OAS3: variants seen among roughly 807,000 people sequenced by gnomAD.
OAS3 encodes the protein 2'-5'-oligoadenylate synthetase 3.
In OAS3, 107 loss-of-function variants were observed where a neutral mutation model predicts 113.0. That is an observed-to-expected ratio of 0.95 (90% CI 0.81 to 1.11). OAS3 has a LOEUF of 1.11. Among genes scored for constraint, OAS3 ranks in the 50% most tolerant of loss-of-function variants. The probability of loss-of-function intolerance (pLI) is 0.00; values close to 1 mark genes in which losing one functional copy is unlikely to be tolerated. For synonymous variants in OAS3, 552 were observed against 573.6 expected (o/e 0.96, Z 0.54); for missense variants, 1,258 against 1,389.1 (o/e 0.91, Z 1.50).
intron 13 of OAS3, 86 bp from the exon 14 acceptor site, chr12:112,967,850 G>A: frequency 6.9e-7 from 1 of 1,458,682 alleles, no homozygotes. Flanking sequence ...AAAAGTTTTG[G>A]GGTTGCTTTG....
intron 7 of OAS3, among the ~76,000 whole-genome samples, chr12:112,957,405 TAGTTGATGC>T (rs914473526): frequency 4.6e-5 from 7 of 152,224 alleles, no homozygotes; most frequent in Admixed American, 1.3e-4. Context: ...TTTTGCTCGT[TAGTTGATGC>T]AGTTTCTTCC....
rs780093595 is a variant in OAS3 at position 112,964,334 on chromosome 12, G to T, written c.2329G>T (p.Val777Phe). Residue 777 changes from valine (V) to phenylalanine (F), a missense_variant, in exon 11 of 16, where the codon GTT becomes TTT. Coordinates refer to ENST00000228928, the MANE Select transcript of OAS3 (RefSeq NM_006187.4). ...RQFLAQVNKA[V>F]DTICSFLKEN... Reference sequence around the variant, plus strand: ...GTTCCTGGCCCAGGTGAACAAGGCCGTTGATACCATCTGTTCATTTTTGAA... The same window carrying T: ...GTTCCTGGCCCAGGTGAACAAGGCCTTTGATACCATCTGTTCATTTTTGAA... 3 of 1,611,410 alleles carry T rather than the reference G, an allele frequency of 1.9e-6. No individual in the cohort carries two copies. Among genetic ancestry groups the T allele is most frequent in the Non-Finnish European group, 2.5e-6 (3 of 1,178,888 alleles).
chr12:112,968,475 A>G (rs1400737640), intron 14 of OAS3, among the ~76,000 whole-genome samples: 2 of 152,134 alleles, frequency 1.3e-5, no homozygotes, highest in Non-Finnish European at 2.9e-5. Flanking sequence ...AAATTTATTC[A>G]CTGTTTATCT....
rs2043977390 is a variant in OAS3, at chr12:112,970,791, T to C, written c.*818T>C. On this transcript the variant is annotated 3_prime_UTR_variant, in exon 16 of 16. Transcript: ENST00000228928. ...GGGGACCCTCTTGTTGGACACCTAATTGGATGCCTCTTCATGAGAGGCCTC... is the reference window on the plus strand; with the variant it reads ...GGGGACCCTCTTGTTGGACACCTAACTGGATGCCTCTTCATGAGAGGCCTC... 6.6e-6 allele frequency: 1 copy of C among 152,258 alleles called. No homozygotes were observed. Among genetic ancestry groups the C allele is most frequent in the Non-Finnish European group, 1.5e-5 (1 of 68,056 alleles). The allele number at this position is 152,258 out of a possible 1,614,324, so 9.4% of individuals were successfully genotyped here. A position where few individuals can be genotyped will look rare whatever the true frequency, so the allele number is the denominator to read the frequency against.
intron 7 of OAS3, among the ~76,000 whole-genome samples, chr12:112,956,807 T>C (rs1013089067): frequency 3.9e-5 from 6 of 152,252 alleles, no homozygotes; most frequent in Non-Finnish European, 7.3e-5. Flanking sequence ...GAAGAATGTA[T>C]ATTCTGTTGA....
At chr12:112,943,170 A>G (rs932052126) in intron 2 of OAS3, among the ~76,000 whole-genome samples, 5 of 152,072 alleles carry the variant, frequency 3.3e-5, no homozygotes, top group Non-Finnish European at 7.4e-5. Context: ...TCTGAGATCA[A>G]ATGATCCACC....
At chr12:112,944,350 C>T in intron 2 of OAS3, 126 bp from the exon 3 acceptor site, 1 of 977,076 alleles carries the variant, frequency 1.0e-6, no homozygotes, top group Non-Finnish European at 1.6e-6. Context: ...CCCATGTTAC[C>T]AGATTTCTTC....
At chr12:112,962,537 T>A (rs555123699) in intron 8 of OAS3, 115 bp from the exon 9 acceptor site, 2 of 1,278,824 alleles carry the variant, frequency 1.6e-6, no homozygotes, top group East Asian at 4.7e-5. Flanking sequence ...ATCAGCAAGT[T>A]TCTATTCTTT....
In OAS3 at chr12:112,944,558, G is replaced by T; in HGVS notation, c.543G>T (p.Ala181=). The T allele has an allele frequency of 1.2e-6, 2 of 1,614,060 alleles. No individual in the cohort carries two copies. Among genetic ancestry groups the T allele is most frequent in the Non-Finnish European group, 1.7e-6 (2 of 1,179,904 alleles). ...LNSGCQGGEH[A]ACFTELRRNF... is the part of the protein sequence containing the mutation. Reference sequence around the variant, plus strand: ...GTGGCTGCCAAGGGGGCGAGCATGCGGCCTGCTTCACAGAGCTGCGGAGGA... The same window carrying T: ...GTGGCTGCCAAGGGGGCGAGCATGCTGCCTGCTTCACAGAGCTGCGGAGGA... The change falls in exon 3 of 16, where the codon GCG becomes GCT. Residue 181 remains alanine, a synonymous_variant. Transcript: ENST00000228928.
rs1277081836 is a variant in OAS3, at chr12:112,969,773, C to A, written c.3252+18C>A. The A allele has an allele frequency of 1.2e-6, 2 of 1,610,420 alleles. No homozygotes were observed. Among genetic ancestry groups the A allele is most frequent in the African/African-American group, 1.3e-5 (1 of 74,848 alleles). ...CAGTGAAGGTGAGAGATCTGTGGTG[C>A]CAAAGGAAGTACCCTTTAGGGGTAA... is the stretch of plus-strand genomic sequence containing the variant. On this transcript the variant is annotated intron_variant, in intron 15 of 15. Coordinates refer to ENST00000228928, the MANE Select transcript of OAS3 (RefSeq NM_006187.4).
In OAS3 at chr12:112,954,091, T is replaced by C. The variant is rs2136352354; in HGVS notation, c.1657+3116T>C. On this transcript the variant is annotated intron_variant, in intron 7 of 15. Coordinates refer to ENST00000228928, the MANE Select transcript of OAS3 (RefSeq NM_006187.4). This position sits in a 1 kb window ranked among gnomAD's most constrained non-coding sequence, Gnocchi z 4.0. ...TGCCTATGTCCTGAATGGTATTGCC[T>C]AGGTTTTCTTCTAGGGTTTTTATGG... Among the ~76,000 whole-genome samples, 1 of 152,336 alleles carries C rather than the reference T, an allele frequency of 6.6e-6. No homozygotes were observed. Among genetic ancestry groups the C allele is most frequent in the Non-Finnish European group, 1.5e-5 (1 of 68,030 alleles).
Position 112,950,860 on chromosome 12 carries a change from C to T in OAS3, c.1542C>T (p.Ser514=), listed in dbSNP as rs1041196328. Residue 514 remains serine, a synonymous_variant, in exon 7 of 16, where the codon AGC becomes AGT. Coordinates refer to ENST00000228928, the MANE Select transcript of OAS3 (RefSeq NM_006187.4). ...CCTGGTGGCAGGACCAGGTGCCCAG[C>T]CTGAGCCTTCAGTTTCCTGAGCAGA... The part of the protein sequence containing the change: ...LESWWQDQVP[S]LSLQFPEQNV... The T allele has an allele frequency of 6.2e-7, 1 of 1,614,058 alleles. No individual in the cohort carries two copies. Among genetic ancestry groups the T allele is most frequent in the South Asian group, 1.1e-5 (1 of 91,086 alleles).
chr12:112,949,231 G>A (rs1407723545), intron 6 of OAS3, 26 bp downstream of exon 6: 5 of 1,589,032 alleles, frequency 3.1e-6, no homozygotes, highest in Non-Finnish European at 4.3e-6. Context: ...GGAGACACAG[G>A]GGGGACCCTA....
At chr12:112,965,140 G>C (rs988607592) in intron 11 of OAS3, among the ~76,000 whole-genome samples, 1 of 152,224 alleles carries the variant, frequency 6.6e-6, no homozygotes, top group African/African-American at 2.4e-5. Context: ...GTGAGACCCA[G>C]ATCAGCTCAG....
chr12:112,940,007 G>A (rs759879972), intron 1 of OAS3, among the ~76,000 whole-genome samples: 2 of 152,158 alleles, frequency 1.3e-5, no homozygotes, highest in Non-Finnish European at 2.9e-5. Context: ...GTGCAGCAAG[G>A]GAAAGCCCTG....
Position 112,961,255 on chromosome 12 carries a change from C to T in OAS3, c.1833+9C>T, listed in dbSNP as rs1348478405. The stretch of plus-strand genomic sequence containing the variant: ...AGCACTGGTACCGCCAGGTGAGTTG[C>T]CCCTGGCTCCTCCCAGGAAGCCACC... On this transcript the variant is annotated intron_variant, in intron 8 of 15. Transcript: ENST00000228928. 4 of 1,611,146 alleles carry T rather than the reference C, an allele frequency of 2.5e-6. No homozygotes were observed. Among genetic ancestry groups the T allele is most frequent in the East Asian group, 4.5e-5 (2 of 44,840 alleles).
chr12:112,962,908 G>T lies in OAS3; in HGVS notation c.2084+6G>T. On this transcript the variant is annotated splice_donor_region_variant and intron_variant, in intron 9 of 15. Transcript: ENST00000228928. ...GGCCAGCTTCGAAAACCCAGGTGAA[G>T]ACCCGCTTCCCTTTGCCTGGCTTCA... 6.2e-7 allele frequency: 1 copy of T among 1,612,640 alleles called. No individual in the cohort carries two copies. The highest frequency in any genetic ancestry group is 1.1e-5 in the South Asian group (1 of 91,036).
chr12:112,958,833 C>G (rs1445430457), intron 7 of OAS3, among the ~76,000 whole-genome samples: 1 of 152,268 alleles, frequency 6.6e-6, no homozygotes, highest in Non-Finnish European at 1.5e-5. Context: ...TCTCAGATCT[C>G]AAACTCCATG....
chr12:112,946,617 A>G (rs1408792578), intron 3 of OAS3, 126 bp from the exon 4 acceptor site: 1 of 785,202 alleles, frequency 1.3e-6, no homozygotes, highest in Non-Finnish European at 2.0e-6. Context: ...TGTTCTTGGA[A>G]CAGGCTTGGA....
Sources: allele counts gnomAD v4.1 joint callset (sites outside exome capture counted in the v4.1 genomes callset), GRCh38; gene constraint gnomAD v4.1.1; non-coding constraint Gnocchi (gnomAD v3.1); transcripts MANE v1.5; gene names NCBI Gene and HGNC (gene_info 2026-07-23, HGNC 2026-07-21).